C8orf34: variants seen among roughly 807,000 people sequenced by gnomAD.
C8orf34 encodes uncharacterized protein C8orf34.
Under a neutral mutation model 68.3 loss-of-function variants are expected in C8orf34, and 65 were observed. The observed-to-expected ratio is 0.95, with a 90% confidence interval of 0.78 to 1.17. The LOEUF is 1.17. Ranked by LOEUF, C8orf34 falls within the 50% of genes most tolerant of loss-of-function variation. The probability of loss-of-function intolerance (pLI) is 0.00; values close to 1 mark genes in which losing one functional copy is unlikely to be tolerated. For synonymous variants in C8orf34, 244 were observed against 241.2 expected, an observed-to-expected ratio of 1.01 and a Z score of -0.11; for missense variants, 664 against 655.4, an observed-to-expected ratio of 1.01 and a Z score of -0.14.
chr8:68,692,630 A>G, intron 8 of C8orf34, among the ~76,000 whole-genome samples: 1 of 152,086 alleles, frequency 6.6e-6, no homozygotes. Context: ...GTAAAGGCTC[A>G]TAAGTAAAAC....
chr8:68,816,509 T>C (rs1279736158), intron 13 of C8orf34, among the ~76,000 whole-genome samples: 1 of 152,074 alleles, frequency 6.6e-6, no homozygotes, highest in Non-Finnish European at 1.5e-5. Context: ...TCACAGAATA[T>C]CAAACTGGAA....
At position 68,434,304 on chromosome 8, in the gene C8orf34, C is replaced by G. The variant is rs550461143; in HGVS notation, c.328-5195C>G. On this transcript the variant is annotated intron_variant, in intron 1 of 13. Transcript: ENST00000518698. ...CCTAATGCTCTCCCTCCCCTTACCC[C>G]CAGTGTGTGATGTGAGGTCCCAGTG... Among the ~76,000 whole-genome samples the G allele has an allele frequency of 2.0e-5, 3 of 152,254 alleles. No individual in the cohort carries two copies. The South Asian group carries it at 6.2e-4, about 32-fold the overall frequency.
intron 10 of C8orf34, among the ~76,000 whole-genome samples, chr8:68,730,133 T>C (rs1276565604): frequency 6.6e-6 from 1 of 152,138 alleles, no homozygotes; most frequent in African/African-American, 2.4e-5. Context: ...TGTTTCAACT[T>C]GGACTCTTGC....
chr8:68,803,008 T>C (rs1824376865), intron 12 of C8orf34, among the ~76,000 whole-genome samples: 1 of 152,034 alleles, frequency 6.6e-6, no homozygotes, highest in Non-Finnish European at 1.5e-5. Context: ...AAAAATTAAA[T>C]TAATAATTTA....
intron 7 of C8orf34, among the ~76,000 whole-genome samples, chr8:68,586,428 G>A (rs115674203): frequency 0.011 from 1,747 of 152,196 alleles, 37 homozygotes; most frequent in African/African-American, 0.039. Flanking sequence ...TTAATCTGTA[G>A]CTTCTATTCA....
intron 4 of C8orf34, among the ~76,000 whole-genome samples, chr8:68,482,944 G>T (rs924812789): frequency 6.6e-6 from 1 of 151,560 alleles, no homozygotes; most frequent in South Asian, 2.1e-4. Flanking sequence ...AAACAAGAAA[G>T]AATTGGGGAG....
At chr8:68,629,765 G>A (rs552092898) in intron 7 of C8orf34, among the ~76,000 whole-genome samples, 2 of 152,062 alleles carry the variant, frequency 1.3e-5, no homozygotes, top group East Asian at 3.9e-4. Context: ...GTGTGTGTGT[G>A]TATATGTGTC....
At chr8:68,594,568 T>C (rs2130456519) in intron 7 of C8orf34, among the ~76,000 whole-genome samples, 1 of 152,224 alleles carries the variant, frequency 6.6e-6, no homozygotes, top group Non-Finnish European at 1.5e-5. Flanking sequence ...TAGCACCCAA[T>C]AGGTAGTTTT....
At chr8:68,517,349 A>G (rs1235723328) in intron 5 of C8orf34, among the ~76,000 whole-genome samples, 3 of 152,202 alleles carry the variant, frequency 2.0e-5, no homozygotes, top group Non-Finnish European at 4.4e-5. Flanking sequence ...ATACATTTTT[A>G]AAAGGAGAAA....
At chr8:68,708,896 G>T (rs762281604) in intron 8 of C8orf34, 98 bp from the exon 9 acceptor site, 48 of 803,072 alleles carry the variant, frequency 6.0e-5, no homozygotes, top group Middle Eastern at 4.6e-4. Context: ...TCTGAGTTTA[G>T]AGTCTAGAAG....
At chr8:68,372,487 A>G (rs1807602407) in intron 1 of C8orf34, among the ~76,000 whole-genome samples, 1 of 152,108 alleles carries the variant, frequency 6.6e-6, no homozygotes, top group African/African-American at 2.4e-5. Flanking sequence ...GAAGCTAGAG[A>G]TGGTTCTCTG....
chr8:68,647,522 A>G (rs975024450), intron 8 of C8orf34, among the ~76,000 whole-genome samples: 1 of 152,192 alleles, frequency 6.6e-6, no homozygotes, highest in East Asian at 1.9e-4. Flanking sequence ...CCTGACTGGA[A>G]GATGTGATCA....
chr8:68,650,396 T>C (rs1393833405), intron 8 of C8orf34, among the ~76,000 whole-genome samples: 1 of 152,036 alleles, frequency 6.6e-6, no homozygotes, highest in East Asian at 1.9e-4. Flanking sequence ...CGGTGTCTGA[T>C]TTACATAGGG....
intron 7 of C8orf34, among the ~76,000 whole-genome samples, chr8:68,626,865 A>T (rs890396871): frequency 6.6e-6 from 1 of 152,176 alleles, no homozygotes; most frequent in Non-Finnish European, 1.5e-5. Flanking sequence ...GGTACCTAAA[A>T]GGGCCAGCAA....
intron 8 of C8orf34, among the ~76,000 whole-genome samples, chr8:68,665,454 TG>T (rs1341127960): frequency 1.3e-5 from 2 of 152,186 alleles, no homozygotes; most frequent in Non-Finnish European, 2.9e-5. Flanking sequence ...TACGGGTGGT[TG>T]GGTGTGATTT....
intron 5 of C8orf34, among the ~76,000 whole-genome samples, chr8:68,494,876 A>G (rs1813459866): frequency 6.6e-6 from 1 of 151,058 alleles, no homozygotes. Context: ...TATATTATAT[A>G]TATCTCAAAA....
chr8:68,574,300 G>A (rs888869529), intron 7 of C8orf34, among the ~76,000 whole-genome samples: 8 of 151,970 alleles, frequency 5.3e-5, no homozygotes, highest in Non-Finnish European at 1.0e-4. Context: ...TACTACAAGA[G>A]ATTTTACCTT....
At chr8:68,479,507 G>C (rs1047186762) in intron 4 of C8orf34, among the ~76,000 whole-genome samples, 1 of 152,088 alleles carries the variant, frequency 6.6e-6, no homozygotes, top group Non-Finnish European at 1.5e-5. Flanking sequence ...TGGAAACCAA[G>C]ATAAAGAACT....
intron 7 of C8orf34, among the ~76,000 whole-genome samples, chr8:68,585,443 A>G (rs927468167): frequency 6.6e-6 from 1 of 152,200 alleles, no homozygotes; most frequent in Non-Finnish European, 1.5e-5. Flanking sequence ...TAAGAGGCAT[A>G]TATTTGGTAA....
Sources: gnomAD v4.1 joint callset for allele counts (sites outside exome capture counted in the v4.1 genomes callset) on GRCh38, gnomAD v4.1.1 for gene constraint, MANE v1.5 for transcripts, NCBI Gene and HGNC (gene_info 2026-07-23, HGNC 2026-07-21) for gene names.